DNAH5: variants seen among roughly 807,000 people sequenced by gnomAD.
The protein encoded by DNAH5 is dynein axonemal heavy chain 5.
A neutral mutation model predicts 518.2 loss-of-function variants in DNAH5; 372 were observed. That is an observed-to-expected ratio of 0.72 (90% CI 0.66 to 0.78). The LOEUF is 0.78. Among genes scored for constraint, DNAH5 ranks in the 30% least tolerant of loss-of-function variants. DNAH5 has a pLI of 0.00. For missense variants in DNAH5, 5,523 were observed against 5,687.0 expected, an observed-to-expected ratio of 0.97 and a Z score of 0.93; for synonymous variants, 2,039 against 2,025.9, an observed-to-expected ratio of 1.01 and a Z score of -0.17.
At chr5:13,967,629 T>TTTG (rs1781611867) in intron 1 of DNAH5, among the ~76,000 whole-genome samples, 3 of 152,186 alleles carry the variant, frequency 2.0e-5, no homozygotes, top group Non-Finnish European at 4.4e-5. Flanking sequence ...AGATTTGTTT[T>TTTG]TTTGTTTGTT....
intron 1 of DNAH5, among the ~76,000 whole-genome samples, chr5:13,980,776 A>G (rs955211416): frequency 2.0e-5 from 3 of 151,688 alleles, no homozygotes; most frequent in African/African-American, 4.8e-5. Context: ...AGCCCCCACA[A>G]TCATCCCAAT....
chr5:13,850,667 T>C lies in DNAH5; in HGVS notation c.5099A>G (p.Gln1700Arg), dbSNP rs993460995. 1.2e-6 allele frequency: 2 copies of C among 1,613,962 alleles called. No homozygotes were observed. The highest frequency in any genetic ancestry group is 1.7e-6 in the Non-Finnish European group (2 of 1,179,980). ...GTGAACTTACCCAGTAAGGGATTTC[T>C]GGCATATTTCCAACTGGTCCAGCAA... Reference protein sequence around the residue: ...PHLLDQLEICQKSLTGYLEKK... With the variant: ...PHLLDQLEICRKSLTGYLEKK... Residue 1700 changes from glutamine (Q) to arginine (R), a missense_variant, in exon 31 of 79, where the codon CAG (glutamine) becomes CGG (arginine). Around this residue, in one of 3 missense-constraint regions of DNAH5, gnomAD observed 5,121 missense variants for 5,223.3 expected, o/e 0.98. Coordinates refer to ENST00000265104, the MANE Select transcript of DNAH5 (RefSeq NM_001369.3).
intron 21 of DNAH5, among the ~76,000 whole-genome samples, chr5:13,878,648 G>C (rs1258002689): frequency 1.3e-5 from 2 of 152,168 alleles, no homozygotes; most frequent in Non-Finnish European, 2.9e-5. Flanking sequence ...CTACCCAAAG[G>C]ACTGTCTCTT....
intron 35 of DNAH5, among the ~76,000 whole-genome samples, chr5:13,834,981 C>A (rs1271317874): frequency 6.6e-6 from 1 of 152,188 alleles, no homozygotes; most frequent in Non-Finnish European, 1.5e-5. Flanking sequence ...CCAGTTAAAA[C>A]ATTGTCAGAA....
chr5:13,707,629 C>T lies in DNAH5; in HGVS notation c.13338+494G>A, dbSNP rs1403095993. 1.3e-5 allele frequency among the ~76,000 whole-genome samples: 2 copies of T among 152,174 alleles called. No individual in the cohort carries two copies. Among genetic ancestry groups the T allele is most frequent in the Non-Finnish European group, 2.9e-5 (2 of 68,026 alleles). On this transcript the variant is annotated intron_variant, in intron 76 of 78. Coordinates refer to ENST00000265104, the MANE Select transcript of DNAH5 (RefSeq NM_001369.3). This position sits in a 1 kb window ranked among gnomAD's most constrained non-coding sequence, Gnocchi z 4.0. The stretch of plus-strand genomic sequence containing the variant: ...AACCCAGCCACACCCCTGTCACACG[C>T]CCTGTGAGGGGGATAAGGGAACTCC...
In DNAH5 at chr5:13,721,149, G is replaced by A; in HGVS notation, c.12130C>T (p.Pro4044Ser). The A allele has an allele frequency of 6.2e-7, 1 of 1,614,106 alleles. No individual in the cohort carries two copies. Among genetic ancestry groups the A allele is most frequent in the Non-Finnish European group, 8.5e-7 (1 of 1,179,988 alleles). ...KTWEESDPRT[P>S]LICLLSMGSD... is the part of the protein sequence containing the mutation. ...CCCATAGACAGGAGACAGATGAGTG[G>A]CGTCCGTGGATCAGATTCCTCCCAC... Residue 4044 changes from proline (P) to serine (S), a missense_variant, in exon 71 of 79, where the codon CCA becomes TCA. Transcript: ENST00000265104.
At position 13,829,546 on chromosome 5, in the gene DNAH5, C is replaced by A. The variant is rs765298305; in HGVS notation, c.6408G>T (p.Thr2136=). Residue 2136 remains threonine (T), a synonymous_variant, in exon 38 of 79, where the codon ACG becomes ACT. Transcript: ENST00000265104. The stretch of plus-strand genomic sequence containing the variant: ...GCTGCTCCTCACACAGTTTGTAGAG[C>A]GTGAAAAACTTCCTGGCCAAAACAA... ...DNVVLARKFF[T]LYKLCEEQLS... is the part of the protein sequence containing the mutation. The A allele has an allele frequency of 1.9e-6, 3 of 1,614,146 alleles. No homozygotes were observed. In the South Asian group the frequency reaches 3.3e-5, roughly 18 times the overall value.
rs757109346 is a variant in DNAH5 at position 13,721,062 on chromosome 5, C to T, written c.12217G>A (p.Val4073Met). The T allele has an allele frequency of 1.1e-4, 170 of 1,614,028 alleles. No individual in the cohort carries two copies. The highest frequency in any genetic ancestry group is 7.2e-4 in the South Asian group (66 of 91,092). The change falls in exon 71 of 79, where the codon GTG becomes ATG. Residue 4073 changes from valine (V) to methionine (M), a missense_variant. By Grantham distance (21) the Val-to-Met change is conservative. Transcript: ENST00000265104. Reference protein sequence around the residue: ...GKRLKIETRYVSMGQGQEVHA... With the variant: ...GKRLKIETRYMSMGQGQEVHA... ...ACTTCCTGGCCCTGGCCCATGGACA[C>T]ATAACGGGTTTCTATTTTTAATCTC...
chr5:13,775,162 A>T (rs1580170320), intron 55 of DNAH5, among the ~76,000 whole-genome samples: 1 of 136,980 alleles, frequency 7.3e-6, no homozygotes, highest in East Asian at 2.1e-4. Flanking sequence ...TCTTACCTCC[A>T]GTTATATTTA....
Position 13,848,220 on chromosome 5 carries a change from T to C in DNAH5, c.5114+2432A>G, listed in dbSNP as rs1008922209. On this transcript the variant is annotated intron_variant, in intron 31 of 78. Coordinates refer to ENST00000265104, the MANE Select transcript of DNAH5 (RefSeq NM_001369.3). ...CAACTCATTAATCCCTAAGACTCCA[T>C]TTTTCTAAATCTTTATGTTAGAAGA... Among the ~76,000 whole-genome samples the C allele has an allele frequency of 4.6e-5, 7 of 152,214 alleles. No homozygotes were observed. In the East Asian group the frequency reaches 7.7e-4, roughly 17 times the overall value.
chr5:13,909,553 G>A (rs1292811848), intron 12 of DNAH5, among the ~76,000 whole-genome samples: 4 of 151,914 alleles, frequency 2.6e-5, no homozygotes, highest in Non-Finnish European at 5.9e-5. Flanking sequence ...CTTTCCCTAG[G>A]TTCACATGAT....
rs1769242580 is a variant in DNAH5, at chr5:13,866,297, A to T, written c.4054-15T>A. 6.2e-7 allele frequency: 1 copy of T among 1,609,934 alleles called. No homozygotes were observed. The highest frequency in any genetic ancestry group is 1.3e-5 in the African/African-American group (1 of 74,818). On this transcript the variant is annotated splice_polypyrimidine_tract_variant and intron_variant, in intron 25 of 78. Coordinates refer to ENST00000265104, the MANE Select transcript of DNAH5 (RefSeq NM_001369.3). ...ATTGGACCATTCTGAACAAAAAGTAAAAAAAGAAAAATAGAAGGAAGTGTT... is the reference window on the plus strand; with the variant it reads ...ATTGGACCATTCTGAACAAAAAGTATAAAAAGAAAAATAGAAGGAAGTGTT...
At chr5:13,719,885 T>C (rs532682446) in intron 71 of DNAH5, among the ~76,000 whole-genome samples, 46 of 152,264 alleles carry the variant, frequency 3.0e-4, no homozygotes, top group South Asian at 2.5e-3. Flanking sequence ...TAATAAGCCA[T>C]ATATTTTGCC....
intron 1 of DNAH5, among the ~76,000 whole-genome samples, chr5:13,941,980 G>A (rs1003189042): frequency 2.0e-5 from 3 of 152,180 alleles, no homozygotes; most frequent in African/African-American, 7.2e-5. Flanking sequence ...TTTTGGGGAA[G>A]TAAAGAAAAA....
chr5:13,963,476 G>C (rs1289774852), intron 1 of DNAH5, among the ~76,000 whole-genome samples: 1 of 151,988 alleles, frequency 6.6e-6, no homozygotes, highest in Non-Finnish European at 1.5e-5. Flanking sequence ...TACTCGGGAG[G>C]CTGAGGCAGG....
intron 74 of DNAH5, 82 bp from the exon 75 acceptor site, chr5:13,714,702 C>CATACCCTCATAGAAGCATTT: frequency 7.4e-7 from 1 of 1,350,580 alleles, no homozygotes; most frequent in Non-Finnish European, 1.0e-6. Context: ...AACAAAAATG[C>CATACCCTCATAGAAGCATTT]TTCTATGAGG....
intron 32 of DNAH5, among the ~76,000 whole-genome samples, chr5:13,842,244 G>C (rs1580527622): frequency 6.6e-6 from 1 of 151,722 alleles, no homozygotes. Context: ...GCTGGGCATG[G>C]TGGTGGGCGC....
At chr5:13,834,105 TC>T (rs1266025324) in intron 35 of DNAH5, among the ~76,000 whole-genome samples, 2 of 152,166 alleles carry the variant, frequency 1.3e-5, no homozygotes, top group African/African-American at 4.8e-5. Flanking sequence ...ATAACTCACT[TC>T]CCACATAATC....
rs1416012949 is a variant in DNAH5, at chr5:13,920,580, G to A, written c.698C>T (p.Thr233Ile). 5 of 1,614,150 alleles carry A rather than the reference G, an allele frequency of 3.1e-6. No homozygotes were observed. In the Admixed American group the frequency reaches 6.7e-5, roughly 22 times the overall value. ...CAAGTAGTCCGTAGGTTCCTTTAGGGTTTTCAGTTCAAGTATGTCACACTT... is the reference window on the plus strand; with the variant it reads ...CAAGTAGTCCGTAGGTTCCTTTAGGATTTTCAGTTCAAGTATGTCACACTT... ...LRKCDILELK[T>I]LKEPTDYLTL... The change falls in exon 6 of 79, where the codon ACC becomes ATC. Residue 233 changes from threonine (T) to isoleucine (I), a missense_variant. Transcript: ENST00000265104.
Sources: gnomAD v4.1 joint callset for allele counts (sites outside exome capture counted in the v4.1 genomes callset) on GRCh38, gnomAD v4.1.1 for gene constraint, gnomAD v4.1.1 regional missense constraint, Gnocchi (gnomAD v3.1) non-coding constraint, MANE v1.5 for transcripts, NCBI Gene and HGNC (gene_info 2026-07-23, HGNC 2026-07-21) for gene names.